Variants in SHC4 observed in about 807,000 individuals in gnomAD.
SHC4 encodes SHC-transforming protein 4.
In SHC4, 41 loss-of-function variants were observed where a neutral mutation model predicts 69.4. That is an observed-to-expected ratio of 0.59 (90% CI 0.46 to 0.77). SHC4 has a LOEUF of 0.77. SHC4 is among the 30% of genes least tolerant of loss of function. The probability of loss-of-function intolerance (pLI) is 0.00; values close to 1 mark genes in which losing one functional copy is unlikely to be tolerated. For synonymous variants in SHC4, 318 were observed against 299.3 expected, an observed-to-expected ratio of 1.06 and a Z score of -0.64; for missense variants, 777 against 783.8, an observed-to-expected ratio of 0.99 and a Z score of 0.10.
chr15:48,826,192 T>A, intron 11 of SHC4, 66 bp from the exon 12 acceptor site: 1 of 1,444,840 alleles, frequency 6.9e-7, no homozygotes. Flanking sequence ...ATATAAATAA[T>A]AAGGGGGAAA....
At chr15:48,848,114 G>T (rs1899130213) in intron 9 of SHC4, among the ~76,000 whole-genome samples, 1 of 152,032 alleles carries the variant, frequency 6.6e-6, no homozygotes, top group Non-Finnish European at 1.5e-5. Context: ...GCCTAGGGAT[G>T]AAAGGACACT....
chr15:48,854,402 T>C (rs955288209), intron 8 of SHC4, among the ~76,000 whole-genome samples: 12 of 152,146 alleles, frequency 7.9e-5, no homozygotes, highest in African/African-American at 2.9e-4. Flanking sequence ...GAAAAGCAGT[T>C]TGGAGAGTTC....
intron 2 of SHC4, among the ~76,000 whole-genome samples, chr15:48,896,275 T>C (rs1186598149): frequency 1.5e-5 from 2 of 132,280 alleles, no homozygotes; most frequent in African/African-American, 5.4e-5. Flanking sequence ...CCTCTCCCTC[T>C]CTCTCTCTCT....
chr15:48,860,454 C>T (rs564649616), intron 6 of SHC4, among the ~76,000 whole-genome samples: 1 of 152,094 alleles, frequency 6.6e-6, no homozygotes, highest in African/African-American at 2.4e-5. Context: ...TTGCAGTGGG[C>T]CAAGATGGCG....
chr15:48,893,960 A>G (rs889922092), intron 2 of SHC4, among the ~76,000 whole-genome samples: 3 of 152,226 alleles, frequency 2.0e-5, no homozygotes, highest in Admixed American at 2.0e-4. Context: ...TCTAAAAACA[A>G]TTTGTTTAAA....
intron 6 of SHC4, among the ~76,000 whole-genome samples, chr15:48,864,834 T>C (rs531265134): frequency 2.8e-4 from 43 of 152,284 alleles, no homozygotes; most frequent in Non-Finnish European, 4.6e-4. Context: ...TTTTTAAAGC[T>C]CAAAATATTT....
chr15:48,878,303 C>T, intron 4 of SHC4: 2 of 1,613,718 alleles, frequency 1.2e-6, no homozygotes, highest in Middle Eastern at 1.7e-4. Flanking sequence ...GCTATCCCTG[C>T]GTCCCTCCCG....
intron 2 of SHC4, among the ~76,000 whole-genome samples, chr15:48,894,627 A>C (rs1014552190): frequency 6.6e-6 from 1 of 152,016 alleles, no homozygotes; most frequent in Non-Finnish European, 1.5e-5. Context: ...TTCCTTTTTC[A>C]GTTTTTTAAG....
chr15:48,868,477 A>C (rs1225285903), intron 5 of SHC4, among the ~76,000 whole-genome samples: 1 of 152,266 alleles, frequency 6.6e-6, no homozygotes, highest in South Asian at 2.1e-4. Context: ...TAAGAAGTTC[A>C]AAAAGAGATG....
At chr15:48,919,295 ATTT>A (rs386382928) in intron 2 of SHC4, among the ~76,000 whole-genome samples, 5,472 of 71,282 alleles carry the variant, frequency 0.077, 318 homozygotes, top group Non-Finnish European at 0.1. Flanking sequence ...ATTTATTTTA[ATTT>A]TTTTTTTTTT....
chr15:48,861,447 G>A (rs1899440446), intron 6 of SHC4, among the ~76,000 whole-genome samples: 2 of 152,172 alleles, frequency 1.3e-5, no homozygotes, highest in African/African-American at 4.8e-5. Flanking sequence ...GTTGCTCTAT[G>A]GAAATGGTCT....
rs759553987 is a variant in SHC4 at position 48,851,180 on chromosome 15, GTACC to G, written c.1303+4_1303+7del. 1.1e-5 allele frequency: 18 copies of G among 1,613,326 alleles called. No homozygotes were observed. Among genetic ancestry groups the G allele is most frequent in the Non-Finnish European group, 1.5e-5 (18 of 1,179,500 alleles). On this transcript the variant is annotated splice_donor_5th_base_variant and intron_variant, in intron 9 of 11. Transcript: ENST00000332408. The stretch of plus-strand genomic sequence containing the variant: ...AGGGTGGCAGATGGAGAAGGGCATT[GTACC>G]TACCTATTGCCCTGCTTTGTTCTAA...
chr15:48,963,446 C>T lies in SHC4; in HGVS notation c.-431G>A, dbSNP rs1901581744. 2 of 178,018 alleles carry T rather than the reference C, an allele frequency of 1.1e-5. No homozygotes were observed. The highest frequency in any genetic ancestry group is 4.7e-5 in the African/African-American group (2 of 42,292). The allele number at this position is 178,018 out of a possible 1,614,324, so 11.0% of individuals were successfully genotyped here. On this transcript the variant is annotated 5_prime_UTR_variant, in exon 1 of 12. Transcript: ENST00000332408. ...ACCCTCACCCCAGCCTTCTGTTCTG[C>T]ACACAGGAACTTTCGAACCTGCTCC...
chr15:48,875,873 TAAC>T (rs1329847550), intron 4 of SHC4, among the ~76,000 whole-genome samples: 1 of 152,222 alleles, frequency 6.6e-6, no homozygotes, highest in Non-Finnish European at 1.5e-5. Flanking sequence ...CACCTGAACT[TAAC>T]AACATTTTGC....
chr15:48,847,460 G>A (rs2140976385), intron 9 of SHC4, among the ~76,000 whole-genome samples: 1 of 152,220 alleles, frequency 6.6e-6, no homozygotes, highest in East Asian at 1.9e-4. Flanking sequence ...TATGTCTAGT[G>A]ATAAATACAA....
intron 2 of SHC4, among the ~76,000 whole-genome samples, chr15:48,906,471 C>T (rs1900407405): frequency 6.6e-6 from 1 of 151,932 alleles, no homozygotes; most frequent in South Asian, 2.1e-4. Context: ...CCTACTCTTC[C>T]CTTCTCCTAC....
chr15:48,906,566 G>A (rs1001964434), intron 2 of SHC4, among the ~76,000 whole-genome samples: 1 of 151,854 alleles, frequency 6.6e-6, no homozygotes, highest in Non-Finnish European at 1.5e-5. Context: ...ACAATACAGT[G>A]CTGTCCTGGT....
Position 48,825,437 on chromosome 15 carries a change from C to T in SHC4, c.*534G>A, listed in dbSNP as rs1898668334. On this transcript the variant is annotated 3_prime_UTR_variant, in exon 12 of 12. Coordinates refer to ENST00000332408, the MANE Select transcript of SHC4 (RefSeq NM_203349.4). ...GAATTCAATGTCATATTTATTTTAA[C>T]ATTGCAGTGAAAAATGCTGCTAAAC... The T allele has an allele frequency of 6.6e-6, 1 of 152,646 alleles. No homozygotes were observed. Among genetic ancestry groups the T allele is most frequent in the Non-Finnish European group, 1.5e-5 (1 of 68,260 alleles). 9.5% of individuals were successfully genotyped at this position (152,646 alleles called of 1,614,324 possible).
chr15:48,881,391 C>A (rs1014773821), intron 4 of SHC4, among the ~76,000 whole-genome samples: 3 of 132,748 alleles, frequency 2.3e-5, no homozygotes, highest in Non-Finnish European at 4.9e-5. Flanking sequence ...AAAAAAAAAA[C>A]CATCTGATTC....
Sources: gnomAD v4.1 joint callset for allele counts (sites outside exome capture counted in the v4.1 genomes callset) on GRCh38, gnomAD v4.1.1 for gene constraint, MANE v1.5 for transcripts, NCBI Gene and HGNC (gene_info 2026-07-23, HGNC 2026-07-21) for gene names.